SLC49A4: variants seen among roughly 807,000 people sequenced by gnomAD.
SLC49A4 encodes the protein solute carrier family 49 member 4, also known as disrupted in renal cancer protein 2.
Under a neutral mutation model 50.6 loss-of-function variants are expected in SLC49A4, and 36 were observed. The observed-to-expected ratio is 0.71, with a 90% CI of 0.55 to 0.94. The LOEUF is 0.94. Ranked by LOEUF, SLC49A4 falls within the 40% of genes least tolerant of loss-of-function variation. The pLI is 0.00. For missense variants in SLC49A4, 503 were observed against 605.7 expected (o/e 0.83, Z 1.78); for synonymous variants, 248 against 241.2 (o/e 1.03, Z -0.26).
intron 2 of SLC49A4, among the ~76,000 whole-genome samples, chr3:122,825,477 T>G (rs568425631): frequency 3.9e-5 from 6 of 152,030 alleles, no homozygotes; most frequent in Admixed American, 6.6e-5. Flanking sequence ...CTTCATATAA[T>G]TTTTCCAACA....
chr3:122,826,808 A>G lies in SLC49A4; in HGVS notation c.446A>G (p.His149Arg). ...TAATTTTTAAATTCCAGATTAATTCATGGAGGACAGATGTTAAATGGATTG... is the reference window on the plus strand; with the variant it reads ...TAATTTTTAAATTCCAGATTAATTCGTGGAGGACAGATGTTAAATGGATTG... Reference protein sequence around the residue: ...SDLILKRRLIHGGQMLNGLAG... With the variant: ...SDLILKRRLIRGGQMLNGLAG... The change falls in exon 3 of 9, where the codon CAT (histidine) becomes CGT (arginine). Residue 149 changes from histidine (H) to arginine (R), a missense_variant. By Grantham distance (29) the His-to-Arg change is conservative (BLOSUM62 0). Coordinates refer to ENST00000261038, the MANE Select transcript of SLC49A4 (RefSeq NM_032839.3). 1 of 1,613,124 alleles carries G rather than the reference A, an allele frequency of 6.2e-7. No individual in the cohort carries two copies. The highest frequency in any genetic ancestry group is 8.5e-7 in the Non-Finnish European group (1 of 1,179,082).
chr3:122,838,682 T>A (rs907846145), intron 4 of SLC49A4, among the ~76,000 whole-genome samples: 4 of 151,878 alleles, frequency 2.6e-5, no homozygotes, highest in Non-Finnish European at 5.9e-5. Flanking sequence ...ATTGTGCACA[T>A]GTACCCTAAA....
At position 122,804,595 on chromosome 3, in the gene SLC49A4, A is replaced by C. The variant is rs1315687463; in HGVS notation, c.344-2262A>C. Among the ~76,000 whole-genome samples the C allele has an allele frequency of 2.0e-5, 3 of 152,234 alleles. No homozygotes were observed. The East Asian group carries it at 5.8e-4, about 29-fold the overall frequency. On this transcript the variant is annotated intron_variant, in intron 1 of 8. Transcript: ENST00000261038. ...GATAGATTAAACAACACTTGGCAGC[A>C]ATTAAAAATACACAAGAAAGCCACC...
chr3:122,840,895 T>C (rs774533747), intron 4 of SLC49A4, among the ~76,000 whole-genome samples: 7 of 152,206 alleles, frequency 4.6e-5, no homozygotes, highest in Non-Finnish European at 8.8e-5. Flanking sequence ...CTATAGGCCA[T>C]TGTTTGGGGC....
chr3:122,806,876 C>G lies in SLC49A4; in HGVS notation c.363C>G (p.Leu121=). ...LDKRGLRITV[L]LTSFLMVLGT... ...TTTTAGGTCTCCGGATAACTGTGCT[C>G]CTGACATCCTTCCTTATGGTTTTGG... Residue 121 remains leucine, a synonymous_variant, in exon 2 of 9, where the codon CTC becomes CTG. Coordinates refer to ENST00000261038, the MANE Select transcript of SLC49A4 (RefSeq NM_032839.3). 1 of 1,608,566 alleles carries G rather than the reference C, an allele frequency of 6.2e-7. No individual in the cohort carries two copies. The highest frequency in any genetic ancestry group is 8.5e-7 in the Non-Finnish European group (1 of 1,175,346).
At chr3:122,839,765 A>G (rs1329921105) in intron 4 of SLC49A4, among the ~76,000 whole-genome samples, 1 of 152,200 alleles carries the variant, frequency 6.6e-6, no homozygotes, top group Non-Finnish European at 1.5e-5. Context: ...TGTGGTGAAA[A>G]GGGAATGCTT....
At chr3:122,797,067 T>C (rs1318416940) in intron 1 of SLC49A4, among the ~76,000 whole-genome samples, 2 of 152,186 alleles carry the variant, frequency 1.3e-5, no homozygotes, top group Admixed American at 1.3e-4. Flanking sequence ...TCTCTCCTCC[T>C]TCACTGGAAT....
chr3:122,815,328 A>G (rs1284379752), intron 2 of SLC49A4, among the ~76,000 whole-genome samples: 1 of 152,038 alleles, frequency 6.6e-6, no homozygotes, highest in Non-Finnish European at 1.5e-5. Flanking sequence ...GCCTCAAGTA[A>G]TCTGCCCGCC....
intron 2 of SLC49A4, among the ~76,000 whole-genome samples, chr3:122,812,455 C>T (rs558161270): frequency 2.6e-4 from 40 of 152,256 alleles, no homozygotes; most frequent in Middle Eastern, 3.4e-3. Context: ...GATTCAGATT[C>T]CCCTATATCA....
intron 2 of SLC49A4, among the ~76,000 whole-genome samples, chr3:122,810,070 G>A (rs1210869551): frequency 6.6e-6 from 1 of 152,140 alleles, no homozygotes; most frequent in Non-Finnish European, 1.5e-5. Context: ...GCATTTACAA[G>A]TCTGTGTTTT....
At chr3:122,806,836 A>C (rs1486853391) in intron 1 of SLC49A4, 21 bp from the exon 2 acceptor site, 1 of 1,454,604 alleles carries the variant, frequency 6.9e-7, no homozygotes, top group Non-Finnish European at 9.6e-7. Context: ...AGATAATTTC[A>C]ATGTCTTTGT....
chr3:122,847,811 C>T (rs1321246354), intron 5 of SLC49A4, among the ~76,000 whole-genome samples: 2 of 152,122 alleles, frequency 1.3e-5, no homozygotes, highest in Admixed American at 6.5e-5. Flanking sequence ...TTGGATTTAG[C>T]AGACTGAGGC....
At chr3:122,853,218 C>T (rs1010371175) in intron 5 of SLC49A4, among the ~76,000 whole-genome samples, 1 of 152,150 alleles carries the variant, frequency 6.6e-6, no homozygotes, top group East Asian at 1.9e-4. Context: ...AGGCAGCTCC[C>T]TTCAACCTCT....
chr3:122,798,075 C>T (rs1936073358), intron 1 of SLC49A4, among the ~76,000 whole-genome samples: 2 of 152,166 alleles, frequency 1.3e-5, no homozygotes, highest in South Asian at 4.1e-4. Flanking sequence ...GTATTTGTTT[C>T]CACTGATGTA....
intron 8 of SLC49A4, 112 bp from the exon 9 acceptor site, chr3:122,879,151 G>A (rs973920079): frequency 5.3e-6 from 4 of 755,742 alleles, no homozygotes; most frequent in African/African-American, 5.3e-5. Context: ...GCCTTCCAGG[G>A]TACATTTATT....
chr3:122,796,226 C>G lies in SLC49A4; in HGVS notation c.343+691C>G, dbSNP rs1936037271. ...AAGAAAAAGCCATAGGGCTGAGAAT[C>G]AAGGCATACTTACCACATAAGTATG... On this transcript the variant is annotated intron_variant, in intron 1 of 8. Coordinates refer to ENST00000261038, the MANE Select transcript of SLC49A4 (RefSeq NM_032839.3). Among the ~76,000 whole-genome samples the G allele has an allele frequency of 2.6e-5, 4 of 152,188 alleles. No homozygotes were observed. In the South Asian group the frequency reaches 8.3e-4, roughly 31 times the overall value.
intron 4 of SLC49A4, 146 bp from the exon 5 acceptor site, chr3:122,845,617 T>TG (rs980341669): frequency 1.0e-5 from 4 of 388,510 alleles, no homozygotes; most frequent in Non-Finnish European, 1.8e-5. Context: ...GTTTTTTTTT[T>TG]TTTTTTTTTT....
At chr3:122,870,915 AT>A (rs1294150098) in intron 7 of SLC49A4, among the ~76,000 whole-genome samples, 1 of 151,994 alleles carries the variant, frequency 6.6e-6, no homozygotes, top group Non-Finnish European at 1.5e-5. Context: ...CCATCCCCAG[AT>A]TTCCTAATGT....
At chr3:122,867,615 A>C (rs550317764) in intron 7 of SLC49A4, among the ~76,000 whole-genome samples, 6 of 152,376 alleles carry the variant, frequency 3.9e-5, no homozygotes, top group African/African-American at 1.4e-4. Flanking sequence ...TTGATAGAAT[A>C]GTTCTTATTC....
Sources: gnomAD v4.1 joint callset for allele counts (sites outside exome capture counted in the v4.1 genomes callset) on GRCh38, gnomAD v4.1.1 for gene constraint, MANE v1.5 for transcripts, NCBI Gene and HGNC (gene_info 2026-07-23, HGNC 2026-07-21) for gene names.